Variants in ADGRL3 observed in about 807,000 individuals in gnomAD.
ADGRL3 encodes the protein adhesion G protein-coupled receptor L3.
A neutral mutation model predicts 153.5 loss-of-function variants in ADGRL3; 62 were observed. The observed-to-expected ratio is 0.40, with a 90% CI of 0.33 to 0.50. The LOEUF (loss-of-function observed/expected upper bound fraction) is 0.50, where lower values mean the gene tolerates loss of function less well. ADGRL3 is among the 20% of genes least tolerant of loss of function. The pLI, the probability that ADGRL3 is intolerant of heterozygous loss-of-function variation, is 0.47. For missense variants in ADGRL3, 1,641 were observed against 1,859.4 expected (o/e 0.88, Z 2.16); for synonymous variants, 710 against 672.5 (o/e 1.06, Z -0.86).
At chr4:61,887,539 T>C (rs1024357357) in intron 9 of ADGRL3, among the ~76,000 whole-genome samples, 1 of 152,072 alleles carries the variant, frequency 6.6e-6, no homozygotes, top group African/African-American at 2.4e-5. Context: ...AATGAGATGA[T>C]AGTGACTTTA....
At chr4:62,063,156 T>C (rs571510860) in intron 25 of ADGRL3, among the ~76,000 whole-genome samples, 225 of 152,198 alleles carry the variant, frequency 1.5e-3, no homozygotes, top group African/African-American at 5.2e-3. Context: ...TGTTTTGTGT[T>C]TTGTGTTTTG....
At chr4:61,935,885 T>C in intron 14 of ADGRL3, 38 bp from the exon 15 acceptor site, 1 of 1,552,048 alleles carries the variant, frequency 6.4e-7, no homozygotes, top group Non-Finnish European at 8.7e-7. Context: ...CTTAGGTATG[T>C]TTCTCAATGA....
intron 8 of ADGRL3, among the ~76,000 whole-genome samples, chr4:61,757,846 A>C (rs938278540): frequency 4.6e-5 from 7 of 152,174 alleles, no homozygotes; most frequent in Non-Finnish European, 1.0e-4. Flanking sequence ...ATTTCAAAGA[A>C]CATCTTTATT....
intron 4 of ADGRL3, among the ~76,000 whole-genome samples, chr4:61,520,652 C>CTGTGTGTGTGTGTGTATGTG (rs2098524367): frequency 1.7e-5 from 2 of 118,488 alleles, no homozygotes; most frequent in African/African-American, 6.3e-5. Flanking sequence ...CTATAAACCT[C>CTGTGTGTGTGTGTGTATGTG]TGTGTGTGTG....
At chr4:61,309,640 A>G (rs1037593030) in intron 1 of ADGRL3, among the ~76,000 whole-genome samples, 1 of 152,130 alleles carries the variant, frequency 6.6e-6, no homozygotes, top group Non-Finnish European at 1.5e-5. Flanking sequence ...CTGATGAGTC[A>G]TTGGTTTAGA....
intron 2 of ADGRL3, among the ~76,000 whole-genome samples, chr4:61,471,243 A>G (rs181579574): frequency 1.4e-4 from 21 of 151,918 alleles, no homozygotes; most frequent in Admixed American, 9.9e-4. Flanking sequence ...CCATGGAACT[A>G]TAAAGCTTTA....
At chr4:61,610,357 C>T (rs980435003) in intron 5 of ADGRL3, among the ~76,000 whole-genome samples, 49 of 152,066 alleles carry the variant, frequency 3.2e-4, no homozygotes, top group Non-Finnish European at 5.9e-4. Flanking sequence ...CCAAGAATTA[C>T]CCAGGGGTAT....
intron 1 of ADGRL3, among the ~76,000 whole-genome samples, chr4:61,337,585 A>C (rs1286222051): frequency 1.3e-5 from 2 of 152,098 alleles, no homozygotes; most frequent in Admixed American, 1.3e-4. Flanking sequence ...TTTTCTTGAA[A>C]TCTTTGACTC....
chr4:61,831,863 G>A (rs1839615), intron 9 of ADGRL3, among the ~76,000 whole-genome samples: 1 of 151,956 alleles, frequency 6.6e-6, no homozygotes, highest in African/African-American at 2.4e-5. Context: ...TTAACCTTCA[G>A]GCAAGCATAA....
At chr4:61,332,577 T>C (rs1456687665) in intron 1 of ADGRL3, among the ~76,000 whole-genome samples, 1 of 152,134 alleles carries the variant, frequency 6.6e-6, no homozygotes, top group Non-Finnish European at 1.5e-5. Flanking sequence ...AACAGTGTCT[T>C]AATAATAATA....
chr4:61,777,897 G>C (rs1400447799), intron 8 of ADGRL3, among the ~76,000 whole-genome samples: 1 of 152,112 alleles, frequency 6.6e-6, no homozygotes, highest in Non-Finnish European at 1.5e-5. Context: ...CTCTCCTAGG[G>C]AAACATAGGA....
At chr4:61,279,390 A>G (rs2093624371) in intron 1 of ADGRL3, among the ~76,000 whole-genome samples, 1 of 152,192 alleles carries the variant, frequency 6.6e-6, no homozygotes, top group Non-Finnish European at 1.5e-5. Flanking sequence ...CCTGTCATCC[A>G]GGTTAGTGTC....
intron 6 of ADGRL3, among the ~76,000 whole-genome samples, chr4:61,705,364 G>A (rs986927903): frequency 6.6e-6 from 1 of 150,972 alleles, no homozygotes; most frequent in Non-Finnish European, 1.5e-5. Flanking sequence ...ACTAGTGGGT[G>A]GATCACTTGT....
At chr4:61,608,751 C>A (rs951276113) in intron 5 of ADGRL3, among the ~76,000 whole-genome samples, 1 of 152,100 alleles carries the variant, frequency 6.6e-6, no homozygotes, top group African/African-American at 2.4e-5. Flanking sequence ...TTTTATTTAT[C>A]TGTACTATTA....
At chr4:61,322,620 C>T (rs552064011) in intron 1 of ADGRL3, among the ~76,000 whole-genome samples, 1 of 152,308 alleles carries the variant, frequency 6.6e-6, no homozygotes, top group South Asian at 2.1e-4. Flanking sequence ...GAAAATCCGG[C>T]AGGACAGTCA....
rs2094691175 is a variant in ADGRL3 at position 61,663,781 on chromosome 4, T to A, written c.474-13045T>A. 2.0e-5 allele frequency among the ~76,000 whole-genome samples: 3 copies of A among 152,372 alleles called. No homozygotes were observed. In the East Asian group the frequency reaches 5.8e-4, roughly 29 times the overall value. On this transcript the variant is annotated intron_variant, in intron 5 of 26. Transcript: ENST00000683033. The stretch of plus-strand genomic sequence containing the variant: ...GGTGGTTTTCTCAGTCATATGTAAG[T>A]TATGAAGACTATGTTTCAGATAATT...
intron 9 of ADGRL3, among the ~76,000 whole-genome samples, chr4:61,866,299 A>G (rs1175301070): frequency 1.3e-5 from 2 of 152,006 alleles, no homozygotes; most frequent in East Asian, 3.9e-4. Context: ...CATCAAATCA[A>G]CCTCTGTTCT....
At chr4:61,814,139 G>T (rs1019494606) in intron 9 of ADGRL3, among the ~76,000 whole-genome samples, 2 of 151,726 alleles carry the variant, frequency 1.3e-5, no homozygotes, top group African/African-American at 4.8e-5. Flanking sequence ...TTCAACTAGT[G>T]GAGGACTAGT....
At chr4:61,559,151 T>G in intron 4 of ADGRL3, among the ~76,000 whole-genome samples, 1 of 152,206 alleles carries the variant, frequency 6.6e-6, no homozygotes, top group African/African-American at 2.4e-5. Flanking sequence ...AGAATAAATT[T>G]AATACTGTGT....
Sources: gnomAD v4.1 joint callset for allele counts (sites outside exome capture counted in the v4.1 genomes callset) on GRCh38, gnomAD v4.1.1 for gene constraint, MANE v1.5 for transcripts, NCBI Gene and HGNC (gene_info 2026-07-23, HGNC 2026-07-21) for gene names.